TUBGCP4: variants seen among roughly 807,000 people sequenced by gnomAD.
The protein encoded by TUBGCP4 is tubulin gamma complex component 4.
Under a neutral mutation model 91.6 loss-of-function variants are expected in TUBGCP4, and 54 were observed. The observed-to-expected ratio is 0.59, with a 90% CI of 0.47 to 0.74. The LOEUF is 0.74. Ranked by LOEUF, TUBGCP4 falls within the 30% of genes least tolerant of loss-of-function variation. The probability of loss-of-function intolerance (pLI) is 0.00; values close to 1 mark genes in which losing one functional copy is unlikely to be tolerated. For synonymous variants in TUBGCP4, 297 were observed against 302.8 expected (o/e 0.98, Z 0.20); for missense variants, 593 against 800.9 (o/e 0.74, Z 3.13).
intron 17 of TUBGCP4, chr15:43,404,995 C>T (rs1322784854): frequency 6.8e-6 from 4 of 586,820 alleles, no homozygotes; most frequent in Non-Finnish European, 5.9e-6. Flanking sequence ...GTCTGTCATT[C>T]CCATTCAGAA....
At chr15:43,374,659 A>C (rs2044175715) in intron 1 of TUBGCP4, among the ~76,000 whole-genome samples, 1 of 152,178 alleles carries the variant, frequency 6.6e-6, no homozygotes, top group Admixed American at 6.5e-5. Flanking sequence ...TAGCAGTTCT[A>C]CTTCAGGGTA....
chr15:43,382,289 C>T (rs1188169590), intron 6 of TUBGCP4, among the ~76,000 whole-genome samples: 1 of 152,002 alleles, frequency 6.6e-6, no homozygotes, highest in Non-Finnish European at 1.5e-5. Context: ...CCATATTACA[C>T]CCAAGAAAGT....
At chr15:43,395,272 T>C (rs2044562527) in intron 10 of TUBGCP4, 115 bp downstream of exon 10, 1 of 1,178,280 alleles carries the variant, frequency 8.5e-7, no homozygotes, top group Non-Finnish European at 1.3e-6. Flanking sequence ...AGTCAACTCA[T>C]TTGTTCTTAT....
chr15:43,376,454 G>A (rs1434350199), intron 2 of TUBGCP4, 49 bp from the exon 3 acceptor site: 7 of 1,613,952 alleles, frequency 4.3e-6, no homozygotes, highest in African/African-American at 2.7e-5. Flanking sequence ...GTCTTTCTCA[G>A]GTTTCAGGGC....
chr15:43,392,996 T>C (rs2044503624), intron 9 of TUBGCP4, among the ~76,000 whole-genome samples: 1 of 152,232 alleles, frequency 6.6e-6, no homozygotes, highest in Non-Finnish European at 1.5e-5. Context: ...TAGGTTAGTC[T>C]GCACTTTCTA....
chr15:43,371,303 G>T lies in TUBGCP4; in HGVS notation c.-52G>T. ...GCACTCCCCTCGTGGTCGCCTGGAGGTGCGCTGGAGGAGGGGGTGACATAA... is the reference window on the plus strand; with the variant it reads ...GCACTCCCCTCGTGGTCGCCTGGAGTTGCGCTGGAGGAGGGGGTGACATAA... On this transcript the variant is annotated 5_prime_UTR_variant, in exon 1 of 18. Coordinates refer to ENST00000564079, the MANE Select transcript of TUBGCP4 (RefSeq NM_014444.5). 7 of 1,577,818 alleles carry T rather than the reference G, an allele frequency of 4.4e-6. No homozygotes were observed. The highest frequency in any genetic ancestry group is 6.1e-6 in the Non-Finnish European group (7 of 1,154,852).
At chr15:43,387,393 A>C (rs1226046570) in intron 9 of TUBGCP4, among the ~76,000 whole-genome samples, 1 of 152,254 alleles carries the variant, frequency 6.6e-6, no homozygotes, top group Admixed American at 6.5e-5. Flanking sequence ...ACATTTAGTC[A>C]GCTGTGTTGT....
rs755174583 is a variant in TUBGCP4 at position 43,385,845 on chromosome 15, C to T, written c.778C>T (p.Arg260Ter). ...LAPSLKQFSL[R>*]VEILPSYIPV... Reference sequence around the variant, plus strand: ...ACCATCTCTGAAGCAGTTTTCCCTACGAGTGGAGATTTTGCCATCCTACAT... The same window carrying T: ...ACCATCTCTGAAGCAGTTTTCCCTATGAGTGGAGATTTTGCCATCCTACAT... Residue 260 changes from arginine to a stop codon, truncating the protein, a stop_gained, in exon 8 of 18, where the codon CGA becomes TGA. Transcript: ENST00000564079. LOFTEE classifies it high-confidence loss of function. 11 of 1,614,112 alleles carry T rather than the reference C, an allele frequency of 6.8e-6. No individual in the cohort carries two copies. The highest frequency in any genetic ancestry group is 1.1e-5 in the South Asian group (1 of 91,086).
Position 43,376,190 on chromosome 15 carries a change from G to C in TUBGCP4, c.171G>C (p.Glu57Asp), listed in dbSNP as rs1486692489. ...GCACAGACTATATTCGCTTCACTGA[G>C]TTCATTGAACAGTACACGGGCCATG... is the stretch of plus-strand genomic sequence containing the variant. ...RLGTDYIRFT[E>D]FIEQYTGHVQ... is the part of the protein sequence containing the mutation. The change falls in exon 2 of 18, where the codon GAG becomes GAC. Residue 57 changes from glutamate (E) to aspartate (D), a missense_variant. Transcript: ENST00000564079. The C allele has an allele frequency of 3.1e-6, 5 of 1,613,972 alleles. No individual in the cohort carries two copies. The highest frequency in any genetic ancestry group is 4.5e-5 in the East Asian group (2 of 44,880).
chr15:43,378,957 G>A (rs2044246320), intron 5 of TUBGCP4, among the ~76,000 whole-genome samples: 1 of 152,202 alleles, frequency 6.6e-6, no homozygotes, highest in South Asian at 2.1e-4. Flanking sequence ...AGACATTCTA[G>A]GCAAATAGAG....
intron 14 of TUBGCP4, 148 bp downstream of exon 14, chr15:43,400,369 TTAAAA>T (rs532247573): frequency 2.7e-4 from 143 of 526,332 alleles, no homozygotes; most frequent in African/African-American, 2.3e-3. Flanking sequence ...AGCATGTTTC[TTAAAA>T]TAAAAAAAGC....
chr15:43,404,044 G>A (rs899248099), intron 16 of TUBGCP4: 28 of 544,230 alleles, frequency 5.1e-5, no homozygotes, highest in Non-Finnish European at 9.2e-5. Flanking sequence ...ATAAGCATTG[G>A]GTTGTTCTAA....
Position 43,373,266 on chromosome 15 carries a change from C to T in TUBGCP4, c.78+1834C>T, listed in dbSNP as rs1037974285. ...TAATGCAGGATTTCTCAGCCTGTTC[C>T]TATAACTGTGTTATATAGAATGGTA... On this transcript the variant is annotated intron_variant, in intron 1 of 17. Transcript: ENST00000564079. 2.0e-5 allele frequency among the ~76,000 whole-genome samples: 3 copies of T among 152,308 alleles called. No homozygotes were observed. In the East Asian group the frequency reaches 5.8e-4, roughly 29 times the overall value.
intron 6 of TUBGCP4, among the ~76,000 whole-genome samples, chr15:43,381,519 T>C (rs1396973703): frequency 6.6e-6 from 1 of 152,282 alleles, no homozygotes; most frequent in African/African-American, 2.4e-5. Flanking sequence ...GAGGGATCGC[T>C]TGAGCCCAGG....
In TUBGCP4 at chr15:43,405,305, A is replaced by T. The variant is rs2044832502; in HGVS notation, c.*91A>T. 2 of 1,454,374 alleles carry T rather than the reference A, an allele frequency of 1.4e-6. No individual in the cohort carries two copies. Among genetic ancestry groups the T allele is most frequent in the African/African-American group, 2.8e-5 (2 of 71,432 alleles). 90.1% of individuals were successfully genotyped at this position (1,454,374 alleles called of 1,614,324 possible). ...ATCCCATTCTAGCCACACACAAATA[A>T]ATATCTGCGGCTTAGTGATAGGACT... On this transcript the variant is annotated 3_prime_UTR_variant, in exon 18 of 18. Transcript: ENST00000564079.
At chr15:43,376,464 C>T in intron 2 of TUBGCP4, 39 bp from the exon 3 acceptor site, 1 of 1,614,136 alleles carries the variant, frequency 6.2e-7, no homozygotes, top group East Asian at 2.2e-5. Context: ...GGTTTCAGGG[C>T]CTGAGCTGAG....
At position 43,407,792 on chromosome 15, in the gene TUBGCP4, T is replaced by C; in HGVS notation, c.*2578T>C. The C allele has an allele frequency of 1.2e-6, 1 of 845,982 alleles. No individual in the cohort carries two copies. The highest frequency in any genetic ancestry group is 1.8e-6 in the Non-Finnish European group (1 of 543,670). 52.4% of individuals were successfully genotyped at this position (845,982 alleles called of 1,614,324 possible). ...ATATACGTCCAGTGCTTCACTTATG[T>C]TGACTCACCTCTTGAAGGTGGTACT... is the stretch of plus-strand genomic sequence containing the variant. On this transcript the variant is annotated 3_prime_UTR_variant, in exon 18 of 18. Coordinates refer to ENST00000564079, the MANE Select transcript of TUBGCP4 (RefSeq NM_014444.5).
At chr15:43,391,111 C>G (rs2044460744) in intron 9 of TUBGCP4, among the ~76,000 whole-genome samples, 1 of 151,926 alleles carries the variant, frequency 6.6e-6, no homozygotes, top group Admixed American at 6.6e-5. Context: ...CTGCAGCCTC[C>G]AATTCCTGGG....
chr15:43,372,338 A>G (rs2044136789), intron 1 of TUBGCP4, among the ~76,000 whole-genome samples: 1 of 152,214 alleles, frequency 6.6e-6, no homozygotes, highest in African/African-American at 2.4e-5. Context: ...TTCTTAGTCT[A>G]TAAAACCTAT....
Sources: gnomAD v4.1 joint callset for allele counts (sites outside exome capture counted in the v4.1 genomes callset) on GRCh38, gnomAD v4.1.1 for gene constraint, MANE v1.5 for transcripts, NCBI Gene and HGNC (gene_info 2026-07-23, HGNC 2026-07-21) for gene names.